Variants in TPRG1 observed in about 807,000 individuals in gnomAD.
TPRG1 encodes tumor protein p63-regulated gene 1 protein.
A neutral mutation model predicts 29.3 loss-of-function variants in TPRG1; 29 were observed. The ratio of observed to expected loss-of-function variants is 0.99; its 90% confidence interval spans 0.74 to 1.35. The LOEUF (loss-of-function observed/expected upper bound fraction) is 1.35. Among genes scored for constraint, TPRG1 ranks in the 40% most tolerant of loss-of-function variants. TPRG1 has a pLI of 0.00. For missense variants in TPRG1, 327 were observed against 335.0 expected (o/e 0.98, Z 0.19); for synonymous variants, 130 against 116.8 (o/e 1.11, Z -0.73).
chr3:189,164,994 G>A (rs1268994376), intron 5 of TPRG1, among the ~76,000 whole-genome samples: 1 of 152,032 alleles, frequency 6.6e-6, no homozygotes, highest in Non-Finnish European at 1.5e-5. Context: ...TCTTTTCTGG[G>A]CCTTTGTACA....
chr3:189,245,068 G>A (rs569841776), intron 4 of TPRG1, among the ~76,000 whole-genome samples: 3 of 151,984 alleles, frequency 2.0e-5, no homozygotes, highest in African/African-American at 7.2e-5. Context: ...TTACAGGCAG[G>A]TGCCACCATG....
chr3:189,008,614 A>G (rs746930855), intron 3 of TPRG1, among the ~76,000 whole-genome samples: 3 of 152,160 alleles, frequency 2.0e-5, no homozygotes, highest in Non-Finnish European at 2.9e-5. Flanking sequence ...CTTCCAAAGC[A>G]GTATTTTTTA....
intron 1 of TPRG1, among the ~76,000 whole-genome samples, chr3:188,998,286 A>T (rs1167465181): frequency 6.6e-6 from 1 of 152,254 alleles, no homozygotes; most frequent in African/African-American, 2.4e-5. Flanking sequence ...ATCAAATGTG[A>T]GCTGTAGCTT....
At chr3:189,217,782 A>T (rs978837229) in intron 3 of TPRG1, 167 of 973,152 alleles carry the variant, frequency 1.7e-4, no homozygotes, top group Non-Finnish European at 2.0e-4. Context: ...GCAGAAAAAT[A>T]AGAAAAAATA....
chr3:189,261,724 G>A (rs1488801022), intron 4 of TPRG1, among the ~76,000 whole-genome samples: 1 of 152,186 alleles, frequency 6.6e-6, no homozygotes, highest in African/African-American at 2.4e-5. Context: ...ACAGGAGAGG[G>A]AGAAAGAATT....
At chr3:189,210,564 A>G (rs1491004196) in intron 2 of TPRG1, among the ~76,000 whole-genome samples, 1 of 152,256 alleles carries the variant, frequency 6.6e-6, no homozygotes, top group African/African-American at 2.4e-5. Context: ...CAGATGATAT[A>G]GTCAGATGAT....
At chr3:189,230,862 AG>A (rs1301282797) in intron 3 of TPRG1, among the ~76,000 whole-genome samples, 1 of 152,198 alleles carries the variant, frequency 6.6e-6, no homozygotes, top group African/African-American at 2.4e-5. Flanking sequence ...CGTAGTGAGA[AG>A]AAGTTCAATC....
In TPRG1 at chr3:189,306,074, C is replaced by G. The variant is rs181055758; in HGVS notation, c.480-4312C>G. ...GGGAACAAATTGATAGTAAAATCGGCTCATAGATTGTCAGATCATGGGCTT... is the reference window on the plus strand; with the variant it reads ...GGGAACAAATTGATAGTAAAATCGGGTCATAGATTGTCAGATCATGGGCTT... On this transcript the variant is annotated intron_variant, in intron 4 of 5. Coordinates refer to ENST00000345063, the MANE Select transcript of TPRG1 (RefSeq NM_198485.4). 1.8e-3 allele frequency among the ~76,000 whole-genome samples: 281 copies of G among 152,288 alleles called. 2 individuals are homozygous for G. The highest frequency in any genetic ancestry group is 0.018 in the Admixed American group (272 of 15,300).
chr3:189,273,181 GAA>G (rs1306980215), intron 4 of TPRG1, among the ~76,000 whole-genome samples: 5 of 152,162 alleles, frequency 3.3e-5, no homozygotes, highest in Admixed American at 1.3e-4. Flanking sequence ...ACAGAATCAA[GAA>G]TCTATTTATT....
chr3:189,192,788 T>C (rs1731897099), intron 1 of TPRG1, among the ~76,000 whole-genome samples: 1 of 152,190 alleles, frequency 6.6e-6, no homozygotes, highest in Non-Finnish European at 1.5e-5. Flanking sequence ...TTCAAACTTT[T>C]GATGTTTTCT....
chr3:189,085,447 A>ATG (rs55935182), intron 4 of TPRG1, among the ~76,000 whole-genome samples: 2,021 of 121,908 alleles, frequency 0.017, 14 homozygotes, highest in Middle Eastern at 0.029. Flanking sequence ...GTGTGTGTGC[A>ATG]TGTGTGTGTG....
intron 1 of TPRG1, among the ~76,000 whole-genome samples, chr3:189,200,877 T>C (rs1450120): frequency 0.55 from 83,487 of 152,042 alleles, 23,882 homozygotes; most frequent in African/African-American, 0.71. Flanking sequence ...ATCCCCTAAA[T>C]GCAATATTAA....
At chr3:189,066,762 A>G (rs1716479360) in intron 4 of TPRG1, among the ~76,000 whole-genome samples, 1 of 152,164 alleles carries the variant, frequency 6.6e-6, no homozygotes, top group African/African-American at 2.4e-5. Context: ...ATCTGGAACA[A>G]GACAAGAATG....
rs145125180 is a variant in TPRG1, at chr3:189,003,788, C to T, written c.-877-755C>T. On this transcript the variant is annotated intron_variant, in intron 2 of 10. Coordinates refer to the TPRG1 transcript ENST00000433971. Reference sequence around the variant, plus strand: ...CCCTTTTAAAGACTCTTTGTGTATGCCAGAGGGTACCATGGTTCAATATTT... The same window carrying T: ...CCCTTTTAAAGACTCTTTGTGTATGTCAGAGGGTACCATGGTTCAATATTT... 3.1e-4 allele frequency among the ~76,000 whole-genome samples: 47 copies of T among 152,208 alleles called. 1 individual carries two copies. Among genetic ancestry groups the T allele is most frequent in the South Asian group, 2.9e-3 (14 of 4,814 alleles).
intron 4 of TPRG1, among the ~76,000 whole-genome samples, chr3:189,249,559 T>C (rs1325466529): frequency 1.3e-5 from 2 of 152,024 alleles, no homozygotes; most frequent in South Asian, 2.1e-4. Flanking sequence ...CATATATTAG[T>C]ATGACAGTTA....
At chr3:189,187,279 C>A (rs1417614749) in intron 1 of TPRG1, among the ~76,000 whole-genome samples, 6 of 148,252 alleles carry the variant, frequency 4.0e-5, no homozygotes, top group Non-Finnish European at 1.5e-5. Context: ...TGAGCCACCC[C>A]GGCCAAGTTC....
chr3:189,131,189 A>C (rs1051987900), intron 2 of TPRG1, among the ~76,000 whole-genome samples: 2 of 152,206 alleles, frequency 1.3e-5, no homozygotes, highest in African/African-American at 4.8e-5. Context: ...GGGAGGGCTC[A>C]GGGAGATTCC....
chr3:189,295,031 C>T (rs1560664936), intron 4 of TPRG1, among the ~76,000 whole-genome samples: 1 of 152,258 alleles, frequency 6.6e-6, no homozygotes, highest in South Asian at 2.1e-4. Context: ...AAAACTCCAA[C>T]ACTTTCCCAC....
chr3:189,235,217 C>CTTTTTTTT (rs34934049), intron 3 of TPRG1, among the ~76,000 whole-genome samples: 1 of 129,694 alleles, frequency 7.7e-6, no homozygotes. Context: ...ATGAGGTTTG[C>CTTTTTTTT]TTTTTTTTTT....
Sources: allele counts gnomAD v4.1 joint callset (sites outside exome capture counted in the v4.1 genomes callset), GRCh38; gene constraint gnomAD v4.1.1; transcripts MANE v1.5; gene names NCBI Gene and HGNC (gene_info 2026-07-23, HGNC 2026-07-21).